Variants in ADAMTS16 observed in about 807,000 individuals in gnomAD.
ADAMTS16 encodes ADAM metallopeptidase with thrombospondin type 1 motif 16, also known as A disintegrin and metalloproteinase with thrombospondin motifs 16.
A neutral mutation model predicts 145.8 loss-of-function variants in ADAMTS16; 94 were observed. The observed-to-expected ratio is 0.64, with a 90% CI of 0.55 to 0.77. The LOEUF (loss-of-function observed/expected upper bound fraction) is 0.77. ADAMTS16 is among the 30% of genes least tolerant of loss of function. The pLI, the probability that ADAMTS16 is intolerant of heterozygous loss-of-function variation, is 0.00. For synonymous variants in ADAMTS16, 659 were observed against 604.3 expected, an observed-to-expected ratio of 1.09 and a Z score of -1.33; for missense variants, 1,585 against 1,591.5, an observed-to-expected ratio of 1.00 and a Z score of 0.07.
chr5:5,227,236 C>A (rs892884209), intron 11 of ADAMTS16, among the ~76,000 whole-genome samples: 1 of 152,238 alleles, frequency 6.6e-6, no homozygotes, highest in African/African-American at 2.4e-5. Flanking sequence ...TGCTCCCCTG[C>A]ATCTACTGCG....
intron 18 of ADAMTS16, among the ~76,000 whole-genome samples, chr5:5,275,913 T>A (rs1025508560): frequency 6.6e-6 from 1 of 151,834 alleles, no homozygotes; most frequent in African/African-American, 2.4e-5. Flanking sequence ...CAGGCTGGAG[T>A]GCAGTGGTGC....
At chr5:5,212,540 C>T (rs35355647) in intron 10 of ADAMTS16, among the ~76,000 whole-genome samples, 36,862 of 151,918 alleles carry the variant, frequency 0.24, 5,765 homozygotes, top group East Asian at 0.65. Context: ...GTAAAATACC[C>T]TCCTTTATTG....
chr5:5,155,231 G>T (rs954459984), intron 3 of ADAMTS16, among the ~76,000 whole-genome samples: 59 of 152,214 alleles, frequency 3.9e-4, no homozygotes, highest in African/African-American at 1.3e-3. Flanking sequence ...CAGACAGGAA[G>T]TCCACAAGGA....
chr5:5,276,908 A>G (rs1485091959), intron 18 of ADAMTS16, among the ~76,000 whole-genome samples: 4 of 152,140 alleles, frequency 2.6e-5, no homozygotes, highest in Non-Finnish European at 5.9e-5. Flanking sequence ...CCCTGTGTTT[A>G]TTAAGAATAA....
chr5:5,186,463 T>C (rs1428952482), intron 5 of ADAMTS16, among the ~76,000 whole-genome samples: 3 of 147,986 alleles, frequency 2.0e-5, no homozygotes, highest in African/African-American at 5.0e-5. Flanking sequence ...ACTAATTCAG[T>C]AGGAAAAATC....
intron 3 of ADAMTS16, among the ~76,000 whole-genome samples, chr5:5,155,816 G>A (rs887346738): frequency 6.6e-6 from 1 of 152,060 alleles, no homozygotes; most frequent in East Asian, 1.9e-4. Flanking sequence ...CAGACAGAAA[G>A]TCCACAGGAG....
chr5:5,297,126 G>A (rs6898660), intron 18 of ADAMTS16, among the ~76,000 whole-genome samples: 152,083 of 152,332 alleles, frequency 1, 75,918 homozygotes, highest in Non-Finnish European at 1. Flanking sequence ...CACATAAGAC[G>A]AGGCTGGTAA....
chr5:5,294,785 G>A (rs1373265789), intron 18 of ADAMTS16, among the ~76,000 whole-genome samples: 1 of 152,174 alleles, frequency 6.6e-6, no homozygotes, highest in Non-Finnish European at 1.5e-5. Flanking sequence ...GAAGCCAGGG[G>A]CATCCCACTT....
intron 21 of ADAMTS16, among the ~76,000 whole-genome samples, chr5:5,308,339 C>T (rs974099620): frequency 1.3e-5 from 2 of 152,254 alleles, no homozygotes; most frequent in East Asian, 1.9e-4. Flanking sequence ...ACAGCCTTCC[C>T]TCTCTGCCCA....
intron 3 of ADAMTS16, among the ~76,000 whole-genome samples, chr5:5,162,802 T>C (rs560959467): frequency 6.6e-6 from 1 of 150,458 alleles, no homozygotes; most frequent in East Asian, 1.9e-4. Context: ...AGAGAGAATA[T>C]GGTAGACAGA....
chr5:5,279,054 C>T (rs914435431), intron 18 of ADAMTS16, among the ~76,000 whole-genome samples: 7 of 152,106 alleles, frequency 4.6e-5, no homozygotes, highest in East Asian at 3.9e-4. Flanking sequence ...GAAATGTCCA[C>T]GCTCTATTTC....
intron 3 of ADAMTS16, among the ~76,000 whole-genome samples, chr5:5,174,030 A>AGTGTATTTCTTTGTAT (rs1254675533): frequency 6.6e-6 from 1 of 152,138 alleles, no homozygotes; most frequent in Non-Finnish European, 1.5e-5. Flanking sequence ...TGTATTTACT[A>AGTGTATTTCTTTGTAT]TTTCTAGTGA....
chr5:5,140,495 G>C lies in ADAMTS16; in HGVS notation c.28G>C (p.Gly10Arg), dbSNP rs1289555688. Residue 10 changes from glycine (G) to arginine (R), a missense_variant, in exon 1 of 23, where the codon GGC becomes CGC. Around this residue, in one of 3 missense-constraint regions of ADAMTS16, gnomAD observed 453 missense variants for 412.1 expected, o/e 1.10. Coordinates refer to ENST00000274181, the MANE Select transcript of ADAMTS16 (RefSeq NM_139056.4). ...GAAGCCCCGCGCGCGCGGATGGCGG[G>C]GCTTGGCGGCGCTGTGGATGCTGTT... MKPRARGWR[G>R]LAALWMLLAQ... The C allele has an allele frequency of 8.6e-6, 13 of 1,518,496 alleles. No individual in the cohort carries two copies. The Admixed American group carries it at 1.0e-4, about 12-fold the overall frequency. The allele number at this position is 1,518,496 out of a possible 1,614,324, so 94.1% of individuals were successfully genotyped here.
chr5:5,173,208 C>T (rs1275031783), intron 3 of ADAMTS16, among the ~76,000 whole-genome samples: 2 of 150,428 alleles, frequency 1.3e-5, no homozygotes, highest in Non-Finnish European at 3.0e-5. Context: ...CATTCAGCCA[C>T]TCTATGTCTT....
At chr5:5,193,895 G>T (rs1225670280) in intron 8 of ADAMTS16, among the ~76,000 whole-genome samples, 1 of 151,948 alleles carries the variant, frequency 6.6e-6, no homozygotes, top group African/African-American at 2.4e-5. Context: ...GAGCCCAGGA[G>T]TTCAAGACCA....
chr5:5,188,354 G>A (rs1399196955), intron 6 of ADAMTS16, among the ~76,000 whole-genome samples: 1 of 152,154 alleles, frequency 6.6e-6, no homozygotes, highest in Non-Finnish European at 1.5e-5. Context: ...CAAAAACCCA[G>A]ATTATGCTGG....
intron 3 of ADAMTS16, among the ~76,000 whole-genome samples, chr5:5,159,246 G>A (rs1358139920): frequency 6.6e-6 from 1 of 152,204 alleles, no homozygotes; most frequent in Admixed American, 6.5e-5. Flanking sequence ...ACGAGAAGCA[G>A]AATAAAAATG....
chr5:5,276,595 T>C (rs1738706555), intron 18 of ADAMTS16, among the ~76,000 whole-genome samples: 2 of 152,298 alleles, frequency 1.3e-5, no homozygotes, highest in South Asian at 4.1e-4. Context: ...TCAAGGGGTG[T>C]TGGAAAGCAG....
chr5:5,254,676 T>C (rs77148742), intron 17 of ADAMTS16, among the ~76,000 whole-genome samples: 3,492 of 152,258 alleles, frequency 0.023, 114 homozygotes, highest in African/African-American at 0.076. Context: ...TTTAATCCAT[T>C]ACATGGTGAA....
Sources: allele counts gnomAD v4.1 joint callset (sites outside exome capture counted in the v4.1 genomes callset), GRCh38; gene constraint gnomAD v4.1.1; regional missense constraint gnomAD v4.1.1; transcripts MANE v1.5; gene names NCBI Gene and HGNC (gene_info 2026-07-23, HGNC 2026-07-21).